HTR3A: variants seen among roughly 807,000 people sequenced by gnomAD.
HTR3A encodes 5-hydroxytryptamine (serotonin) receptor 3A, ionotropic.
A neutral mutation model predicts 54.8 loss-of-function variants in HTR3A; 45 were observed. The ratio of observed to expected loss-of-function variants is 0.82; its 90% CI spans 0.65 to 1.05. The LOEUF (loss-of-function observed/expected upper bound fraction) is 1.05, where lower values mean the gene tolerates loss of function less well. Ranked by LOEUF, HTR3A falls within the 50% of genes least tolerant of loss-of-function variation. The pLI is 0.00. For synonymous variants in HTR3A, 297 were observed against 256.0 expected (o/e 1.16, Z -1.53); for missense variants, 657 against 614.0 (o/e 1.07, Z -0.74).
chr11:113,978,957 G>A (rs1288269917), intron 2 of HTR3A, among the ~76,000 whole-genome samples: 2 of 152,160 alleles, frequency 1.3e-5, no homozygotes, highest in Non-Finnish European at 2.9e-5. Flanking sequence ...CCACTGCACT[G>A]CAGCCTGGGC....
At position 113,989,663 on chromosome 11, in the gene HTR3A, G is replaced by A. The variant is rs781028528; in HGVS notation, c.1337G>A (p.Gly446Asp). The A allele has an allele frequency of 6.2e-7, 1 of 1,614,188 alleles. No homozygotes were observed. The highest frequency in any genetic ancestry group is 1.7e-5 in the Admixed American group (1 of 60,026). ...GTGGCCCGAGACTGGCTGCGCGTGG[G>A]CTCCGTGCTGGACAAGCTGCTATTC... ...REVARDWLRV[G>D]SVLDKLLFHI... Residue 446 changes from glycine to aspartate, a missense_variant, in exon 9 of 9, where the codon GGC (glycine) becomes GAC (aspartate). By Grantham distance (94) the Gly-to-Asp change is moderately conservative. Transcript: ENST00000504030. This position sits in a 1 kb window ranked among gnomAD's most constrained non-coding sequence, Gnocchi z 4.4.
At position 113,983,174 on chromosome 11, in the gene HTR3A, CGAAGTTCA is replaced by C; in HGVS notation, c.433_440del (p.Val145LeufsTer11). The C allele has an allele frequency of 6.2e-7, 1 of 1,614,210 alleles. No homozygotes were observed. The highest frequency in any genetic ancestry group is 8.5e-7 in the Non-Finnish European group (1 of 1,180,018). On this transcript the variant is annotated frameshift_variant, in exon 5 of 9. Coordinates refer to ENST00000504030, the MANE Select transcript of HTR3A (RefSeq NM_000869.6). LOFTEE classifies it high-confidence loss of function. ...CGTACGTGTATATTCGGCATCAAGG[CGAAGTTCA>C]GAACTACAAGCCCCTTCAGGTGGTG... is the stretch of plus-strand genomic sequence containing the variant.
intron 2 of HTR3A, 75 bp from the exon 3 acceptor site, chr11:113,979,158 C>T (rs1228094580): frequency 5.3e-6 from 6 of 1,140,368 alleles, no homozygotes; most frequent in South Asian, 3.7e-5. Context: ...GAAGCCCCTC[C>T]TTTAGGGGCT....
At chr11:113,976,649 C>T (rs906488002) in intron 1 of HTR3A, among the ~76,000 whole-genome samples, 2 of 142,796 alleles carry the variant, frequency 1.4e-5, no homozygotes, top group African/African-American at 5.3e-5. Flanking sequence ...TGAGGGAAGC[C>T]AGTAGCTTAT....
At chr11:113,985,513 A>G (rs989050414) in intron 5 of HTR3A, among the ~76,000 whole-genome samples, 22 of 152,218 alleles carry the variant, frequency 1.4e-4, no homozygotes, top group African/African-American at 5.3e-4. Context: ...TTCCTGGTAC[A>G]TATGTCTCTG....
chr11:113,988,467 T>C (rs1201123224), intron 8 of HTR3A, among the ~76,000 whole-genome samples: 1 of 152,190 alleles, frequency 6.6e-6, no homozygotes. Context: ...ATTTTTTATA[T>C]GGTTGGAATA....
chr11:113,979,682 C>T (rs1427215288), intron 3 of HTR3A, among the ~76,000 whole-genome samples: 1 of 152,164 alleles, frequency 6.6e-6, no homozygotes, highest in Non-Finnish European at 1.5e-5. Flanking sequence ...TCCACTTAGT[C>T]CTCACATCCT....
intron 2 of HTR3A, 56 bp from the exon 3 acceptor site, chr11:113,979,177 C>T (rs1950390873): frequency 7.5e-7 from 1 of 1,340,512 alleles, no homozygotes; most frequent in Non-Finnish European, 1.1e-6. Context: ...CTGGCATGTG[C>T]AGGGTGGCCC....
intron 1 of HTR3A, among the ~76,000 whole-genome samples, chr11:113,975,685 C>T (rs1318264050): frequency 1.3e-5 from 2 of 152,118 alleles, no homozygotes; most frequent in Admixed American, 6.5e-5. Context: ...GGAGGGGGCT[C>T]CTCTCCTTTT....
chr11:113,988,581 T>C (rs1009023876), intron 8 of HTR3A, among the ~76,000 whole-genome samples: 1 of 152,102 alleles, frequency 6.6e-6, no homozygotes, highest in African/African-American at 2.4e-5. Flanking sequence ...CTGACTAACA[T>C]GGTGAAACCC....
In HTR3A at chr11:113,975,297, G is replaced by A. The variant is rs1201728998; in HGVS notation, c.-29G>A. The A allele has an allele frequency of 1.2e-6, 2 of 1,612,604 alleles. No homozygotes were observed. Among genetic ancestry groups the A allele is most frequent in the African/African-American group, 2.7e-5 (2 of 74,950 alleles). ...TGGTGGGCCTCGTCCTGAGCACTCG[G>A]AGGCACTCCTATGCTTGGAAAGCTC... On this transcript the variant is annotated 5_prime_UTR_variant, in exon 1 of 9. Transcript: ENST00000504030.
rs760169819 is a variant in HTR3A, at chr11:113,990,308, C to T, written c.*545C>T. The T allele has an allele frequency of 1.4e-5, 5 of 349,942 alleles. No homozygotes were observed. Among genetic ancestry groups the T allele is most frequent in the South Asian group, 1.1e-4 (5 of 44,444 alleles). The allele number at this position is 349,942 out of a possible 1,614,324, so 21.7% of individuals were successfully genotyped here. ...TGGGAAGAATAAAATGCAGTGAAACCCTAAACTCTCTTCTTTTTTTTTTCT... is the reference window on the plus strand; with the variant it reads ...TGGGAAGAATAAAATGCAGTGAAACTCTAAACTCTCTTCTTTTTTTTTTCT... On this transcript the variant is annotated 3_prime_UTR_variant, in exon 9 of 9. Coordinates refer to ENST00000504030, the MANE Select transcript of HTR3A (RefSeq NM_000869.6).
chr11:113,977,548 T>C (rs1444366947), intron 1 of HTR3A: 5 of 1,550,496 alleles, frequency 3.2e-6, no homozygotes, highest in Non-Finnish European at 4.4e-6. Context: ...TGCTTTCCTG[T>C]CAATGAATGC....
At chr11:113,980,510 C>T (rs1032978672) in intron 3 of HTR3A, among the ~76,000 whole-genome samples, 2 of 152,192 alleles carry the variant, frequency 1.3e-5, no homozygotes, top group Admixed American at 6.5e-5. Flanking sequence ...TGGCCAAGCC[C>T]AGAAGGCTGA....
At chr11:113,979,349 A>G (rs956483706) in intron 3 of HTR3A, 72 bp downstream of exon 3, 9 of 1,268,106 alleles carry the variant, frequency 7.1e-6, no homozygotes, top group Middle Eastern at 3.7e-4. Context: ...CGGGAGTTTC[A>G]GTGGCCTTGG....
rs554326004 is a variant in HTR3A at position 113,983,662 on chromosome 11, C to T, written c.544+373C>T. ...AGTATTCAATGAGGGTGTGAACTGA[C>T]GGCAAGACGCTCAGTAAGGGACAAT... On this transcript the variant is annotated intron_variant, in intron 5 of 8. Transcript: ENST00000504030. Among the ~76,000 whole-genome samples the T allele has an allele frequency of 1.1e-4, 16 of 152,182 alleles. 2 individuals carry two copies. Among genetic ancestry groups the T allele is most frequent in the Middle Eastern group, 6.8e-3 (2 of 294 alleles).
rs1950370025 is a variant in HTR3A, at chr11:113,977,797, C to T, written c.94C>T (p.Pro32Ser). ...EARRSRNTTR[P>S]ALLRLSDYLL... ...CAGGAGGAGCCGAAACACCACCAGG[C>T]CCGCTCTGCTGAGGCTGTCGGATTA... Residue 32 changes from proline to serine, a missense_variant, in exon 2 of 9, where the codon CCC (proline) becomes TCC (serine). Coordinates refer to ENST00000504030, the MANE Select transcript of HTR3A (RefSeq NM_000869.6). 1.2e-6 allele frequency: 2 copies of T among 1,614,102 alleles called. No individual in the cohort carries two copies. The highest frequency in any genetic ancestry group is 1.3e-5 in the African/African-American group (1 of 75,008).
chr11:113,977,903 T>C lies in HTR3A; in HGVS notation c.200T>C (p.Val67Ala). The change falls in exon 2 of 9, where the codon GTC becomes GCC. Residue 67 changes from valine to alanine, a missense_variant. Transcript: ENST00000504030. Reference protein sequence around the residue: ...KPTTVSIDVIVYAILNVDEKN... With the variant: ...KPTTVSIDVIAYAILNVDEKN... ...ACCACCGTATCCATTGACGTCATTG[T>C]CTATGCCATCCTCAACGTGGTGAGG... The C allele has an allele frequency of 1.2e-6, 2 of 1,614,238 alleles. No homozygotes were observed. Among genetic ancestry groups the C allele is most frequent in the Non-Finnish European group, 1.7e-6 (2 of 1,180,050 alleles).
intron 8 of HTR3A, among the ~76,000 whole-genome samples, chr11:113,988,738 TG>T (rs1405221240): frequency 2.0e-5 from 3 of 152,230 alleles, no homozygotes; most frequent in South Asian, 4.2e-4. Flanking sequence ...CACTCTAGCC[TG>T]GGCGAGAGAG....
Sources: allele counts gnomAD v4.1 joint callset (sites outside exome capture counted in the v4.1 genomes callset), GRCh38; gene constraint gnomAD v4.1.1; non-coding constraint Gnocchi (gnomAD v3.1); transcripts MANE v1.5; gene names NCBI Gene and HGNC (gene_info 2026-07-23, HGNC 2026-07-21).